The following RPRD1B variants were observed in gnomAD, a reference collection of about 807,000 sequenced individuals.
The protein encoded by RPRD1B is regulation of nuclear pre-mRNA domain-containing protein 1B.
Under a neutral mutation model 41.5 loss-of-function variants are expected in RPRD1B, and 11 were observed. The ratio of observed to expected loss-of-function variants is 0.27; its 90% CI spans 0.17 to 0.44. RPRD1B has a LOEUF of 0.44. Ranked by LOEUF, RPRD1B falls within the 20% of genes least tolerant of loss-of-function variation. RPRD1B has a pLI of 1.00. For missense variants in RPRD1B, 248 were observed against 389.9 expected (o/e 0.64, Z 3.06); for synonymous variants, 158 against 155.6 (o/e 1.02, Z -0.12).
In RPRD1B at chr20:38,091,986, T is replaced by C; in HGVS notation, c.*2111T>C. 1 of 985,908 alleles carries C rather than the reference T, an allele frequency of 1.0e-6. No individual in the cohort carries two copies. The highest frequency in any genetic ancestry group is 1.2e-6 in the Non-Finnish European group (1 of 829,922). 61.1% of individuals were successfully genotyped at this position (985,908 alleles called of 1,614,324 possible). A position where few individuals can be genotyped will look rare whatever the true frequency, so the allele number is the denominator to read the frequency against. On this transcript the variant is annotated 3_prime_UTR_variant, in exon 7 of 7. Coordinates refer to ENST00000373433, the MANE Select transcript of RPRD1B (RefSeq NM_021215.4). ...AGTTTTTTGTTTTGATGAAATGCTT[T>C]CGTTTTTTAAATCTTAATTCTGCTG...
chr20:38,072,811 C>G (rs1173330461), intron 6 of RPRD1B, among the ~76,000 whole-genome samples: 2 of 152,136 alleles, frequency 1.3e-5, no homozygotes, highest in East Asian at 3.8e-4. Context: ...AATGTTAACC[C>G]CCACCTCTAG....
rs2073964511 is a variant in RPRD1B at position 38,034,096 on chromosome 20, A to G, written c.149A>G (p.Lys50Arg). 3 of 1,613,062 alleles carry G rather than the reference A, an allele frequency of 1.9e-6. No individual in the cohort carries two copies. The highest frequency in any genetic ancestry group is 2.2e-5 in the East Asian group (1 of 44,862). The change falls in exon 1 of 7, where the codon AAA becomes AGA. Residue 50 changes from lysine to arginine, a missense_variant and splice_region_variant. Transcript: ENST00000373433. ...TCCGTGTGGCACCGCGAGCTCCGCA[A>G]AGGTAAACACCAAATCCCCACCCCC... ...IVSVWHRELR[K>R]AKSNRKLTFL...
chr20:38,082,192 CTTTTTTTGGT>C (rs1400607986), intron 6 of RPRD1B, among the ~76,000 whole-genome samples: 1 of 151,842 alleles, frequency 6.6e-6, no homozygotes, highest in Non-Finnish European at 1.5e-5. Context: ...TGGTCCAGGG[CTTTTTTTGGT>C]TGGTAGGTTT....
rs2122783945 is a variant in RPRD1B, at chr20:38,092,183, A to G, written c.*2308A>G. 2 of 985,778 alleles carry G rather than the reference A, an allele frequency of 2.0e-6. No individual in the cohort carries two copies. The highest frequency in any genetic ancestry group is 2.3e-4 in the East Asian group (2 of 8,818). The allele number at this position is 985,778 out of a possible 1,614,324, so 61.1% of individuals were successfully genotyped here. On this transcript the variant is annotated 3_prime_UTR_variant, in exon 7 of 7. Coordinates refer to ENST00000373433, the MANE Select transcript of RPRD1B (RefSeq NM_021215.4). ...ACCTTTCCTTTAGGTCATATTCCTC[A>G]GAAAGTCTTCAATCTTCCCTTGTTT...
At chr20:38,080,574 G>A (rs1568662009) in intron 6 of RPRD1B, among the ~76,000 whole-genome samples, 1 of 152,142 alleles carries the variant, frequency 6.6e-6, no homozygotes, top group East Asian at 1.9e-4. Flanking sequence ...CTCCCAGGCT[G>A]GAGTGCAGTG....
At chr20:38,034,147 G>T (rs181305849) in intron 1 of RPRD1B, 49 bp downstream of exon 1, 148 of 1,584,856 alleles carry the variant, frequency 9.3e-5, no homozygotes, top group Non-Finnish European at 1.2e-4. Flanking sequence ...TTGTCCTCTC[G>T]CCCACATACA....
intron 2 of RPRD1B, among the ~76,000 whole-genome samples, chr20:38,041,890 A>G (rs757669469): frequency 1.2e-4 from 18 of 152,168 alleles, no homozygotes; most frequent in Admixed American, 5.9e-4. Flanking sequence ...GTTTTTTCCT[A>G]TATTCCAGGC....
intron 6 of RPRD1B, among the ~76,000 whole-genome samples, chr20:38,069,031 C>T (rs2074385677): frequency 6.6e-6 from 1 of 152,150 alleles, no homozygotes; most frequent in South Asian, 2.1e-4. Context: ...ATGAAATTCT[C>T]AGAACTCTTT....
intron 3 of RPRD1B, among the ~76,000 whole-genome samples, chr20:38,050,907 C>T (rs1415763785): frequency 6.6e-6 from 1 of 152,216 alleles, no homozygotes; most frequent in Non-Finnish European, 1.5e-5. Context: ...ACTCTCTGGA[C>T]CTGAGTTATC....
intron 5 of RPRD1B, among the ~76,000 whole-genome samples, chr20:38,060,421 T>C (rs1440047350): frequency 6.6e-6 from 1 of 152,134 alleles, no homozygotes; most frequent in African/African-American, 2.4e-5. Flanking sequence ...TCAACAAATA[T>C]TTGAGGCCCA....
chr20:38,044,257 T>C (rs2074098499), intron 2 of RPRD1B, among the ~76,000 whole-genome samples: 1 of 152,196 alleles, frequency 6.6e-6, no homozygotes, highest in Non-Finnish European at 1.5e-5. Context: ...ATGTGTATGA[T>C]GTGTAACCTA....
chr20:38,071,337 T>A (rs1468112034), intron 6 of RPRD1B, among the ~76,000 whole-genome samples: 1 of 152,238 alleles, frequency 6.6e-6, no homozygotes, highest in East Asian at 1.9e-4. Context: ...CGGCACGATG[T>A]TTTCAAGATT....
At chr20:38,086,847 G>C (rs773200239) in intron 6 of RPRD1B, among the ~76,000 whole-genome samples, 1 of 152,170 alleles carries the variant, frequency 6.6e-6, no homozygotes, top group Non-Finnish European at 1.5e-5. Flanking sequence ...AGTTTCTTCG[G>C]TAATGTCCAG....
chr20:38,084,575 A>G (rs1025403287), intron 6 of RPRD1B, among the ~76,000 whole-genome samples: 1 of 152,220 alleles, frequency 6.6e-6, no homozygotes, highest in African/African-American at 2.4e-5. Context: ...CCCAGAGCTC[A>G]TCTGCAGTGT....
rs751945190 is a variant in RPRD1B, at chr20:38,066,134, C to G, written c.709C>G (p.Leu237Val). The G allele has an allele frequency of 6.2e-7, 1 of 1,614,208 alleles. No individual in the cohort carries two copies. The highest frequency in any genetic ancestry group is 8.5e-7 in the Non-Finnish European group (1 of 1,180,032). The change falls in exon 6 of 7, where the codon CTA (leucine) becomes GTA (valine). Residue 237 changes from leucine (L) to valine (V), a missense_variant. Leu to Val is a conservative substitution (Grantham distance 32). This residue lies in a region of RPRD1B where 93 missense variants were observed against 167.2 expected (regional missense o/e 0.56). Transcript: ENST00000373433. Reference protein sequence around the residue: ...SKTVDEACLLLAEYNGRLAAE... With the variant: ...SKTVDEACLLVAEYNGRLAAE... ...AACAGTAGATGAAGCATGTCTGTTA[C>G]TAGCAGAATATAACGGGCGCCTGGC...
chr20:38,073,616 T>G (rs762645343), intron 6 of RPRD1B, among the ~76,000 whole-genome samples: 8 of 152,222 alleles, frequency 5.3e-5, no homozygotes, highest in Non-Finnish European at 1.2e-4. Flanking sequence ...GGTTAGAAGC[T>G]TTTGTTTCAA....
intron 6 of RPRD1B, among the ~76,000 whole-genome samples, chr20:38,088,803 G>T (rs1372676908): frequency 6.6e-6 from 1 of 152,242 alleles, no homozygotes; most frequent in African/African-American, 2.4e-5. Flanking sequence ...GTGTGAGGGA[G>T]AGCTCTGGAG....
chr20:38,075,824 G>A (rs6097662), intron 6 of RPRD1B, among the ~76,000 whole-genome samples: 31,913 of 152,136 alleles, frequency 0.21, 3,763 homozygotes, highest in African/African-American at 0.33. Context: ...CATGCTTTAT[G>A]TGAAGAGGAT....
intron 2 of RPRD1B, among the ~76,000 whole-genome samples, chr20:38,045,862 A>G (rs1215886698): frequency 6.6e-6 from 1 of 152,194 alleles, no homozygotes; most frequent in Non-Finnish European, 1.5e-5. Flanking sequence ...TACTAATTAT[A>G]ATGACTTTAT....
Sources: allele counts gnomAD v4.1 joint callset (sites outside exome capture counted in the v4.1 genomes callset), GRCh38; gene constraint gnomAD v4.1.1; regional missense constraint gnomAD v4.1.1; transcripts MANE v1.5; gene names NCBI Gene and HGNC (gene_info 2026-07-23, HGNC 2026-07-21).